Variants in NXPE2 observed in about 807,000 individuals in gnomAD.
NXPE2 encodes the protein neurexophilin and PC-esterase domain family member 2.
A neutral mutation model predicts 34.4 loss-of-function variants in NXPE2; 34 were observed. That is an observed-to-expected ratio of 0.99 (90% CI 0.75 to 1.31). The LOEUF (loss-of-function observed/expected upper bound fraction) is 1.31. Ranked by LOEUF, NXPE2 falls within the 40% of genes most tolerant of loss-of-function variation. NXPE2 has a pLI of 0.00. For missense variants in NXPE2, 649 were observed against 672.5 expected (o/e 0.97, Z 0.39); for synonymous variants, 235 against 231.3 (o/e 1.02, Z -0.15).
the NXPE2 span, among the ~76,000 whole-genome samples, chr11:114,523,451 C>T: frequency 7.6e-4 from 116 of 152,034 alleles, no homozygotes; most frequent in South Asian, 0.022. Flanking sequence ...CAGTTGGTGC[C>T]GCTGTATAAA....
chr11:114,625,572 G>A, the NXPE2 span, among the ~76,000 whole-genome samples: 4 of 152,170 alleles, frequency 2.6e-5, no homozygotes, highest in East Asian at 1.9e-4. Flanking sequence ...AATAAGTATT[G>A]CCTCGTGGGT....
chr11:114,639,470 C>A, the NXPE2 span, among the ~76,000 whole-genome samples: 2 of 151,414 alleles, frequency 1.3e-5, no homozygotes, highest in African/African-American at 4.9e-5. Flanking sequence ...CTGCGCTGCC[C>A]CCACTGTCCT....
chr11:114,523,203 T>C, the NXPE2 span: 1 of 724,268 alleles, frequency 1.4e-6, no homozygotes, highest in East Asian at 2.6e-5. Context: ...AATGCCTATT[T>C]CCTTTTTCTG....
At chr11:114,643,993 G>T in the NXPE2 span, among the ~76,000 whole-genome samples, 1 of 152,034 alleles carries the variant, frequency 6.6e-6, no homozygotes. Context: ...CTTTTAAGTT[G>T]TATTGCTAGG....
chr11:114,530,554 C>G, the NXPE2 span: 1 of 1,614,008 alleles, frequency 6.2e-7, no homozygotes, highest in Non-Finnish European at 8.5e-7. Context: ...TTTCCTGAAG[C>G]ACCTGCCGTC....
chr11:114,659,354 G>A, the NXPE2 span, among the ~76,000 whole-genome samples: 1 of 152,058 alleles, frequency 6.6e-6, no homozygotes, highest in Non-Finnish European at 1.5e-5. Flanking sequence ...CGTTTTGATG[G>A]CCTTATCAGA....
chr11:114,665,458 G>A, the NXPE2 span, among the ~76,000 whole-genome samples: 1 of 152,126 alleles, frequency 6.6e-6, no homozygotes, highest in African/African-American at 2.4e-5. Flanking sequence ...CCATCCATAT[G>A]CCAGTCCTTA....
chr11:114,568,843 T>A, the NXPE2 span, among the ~76,000 whole-genome samples: 4 of 152,232 alleles, frequency 2.6e-5, no homozygotes, highest in Non-Finnish European at 4.4e-5. Flanking sequence ...AACTGTGGAA[T>A]AATTTTATGT....
upstream of NXPE2, among the ~76,000 whole-genome samples, chr11:114,675,012 ACATGTAATC>A (rs565473647): frequency 3.0e-3 from 459 of 151,988 alleles, 3 homozygotes; most frequent in African/African-American, 8.4e-3. Flanking sequence ...ACAAATCTAT[ACATGTAATC>A]CATCATATTA....
At chr11:114,803,794 G>C in the NXPE2 span, among the ~76,000 whole-genome samples, 1 of 151,928 alleles carries the variant, frequency 6.6e-6, no homozygotes, top group East Asian at 1.9e-4. Flanking sequence ...TGGCCAGGAT[G>C]GTCTCAAACT....
the NXPE2 span, among the ~76,000 whole-genome samples, chr11:114,564,753 A>T: frequency 2.0e-5 from 3 of 152,304 alleles, no homozygotes; most frequent in East Asian, 5.8e-4. Context: ...AATGGATTGA[A>T]TGCAAGAATA....
At chr11:114,477,995 A>G in the NXPE2 span, among the ~76,000 whole-genome samples, 1 of 152,094 alleles carries the variant, frequency 6.6e-6, no homozygotes, top group Admixed American at 6.6e-5. Context: ...TGTTGCATGG[A>G]AACTTTTAAC....
chr11:114,805,669 G>C, the NXPE2 span, among the ~76,000 whole-genome samples: 1,003 of 152,318 alleles, frequency 6.6e-3, 8 homozygotes, highest in African/African-American at 0.023. Context: ...CGAGTTAGTT[G>C]CTTGATTAGG....
At chr11:114,747,015 C>A in the NXPE2 span, among the ~76,000 whole-genome samples, 1 of 152,080 alleles carries the variant, frequency 6.6e-6, no homozygotes, top group Admixed American at 6.5e-5. Flanking sequence ...TCCCCTATCT[C>A]TTTGGCTAAT....
the NXPE2 span, chr11:114,522,901 GT>G: frequency 6.2e-7 from 1 of 1,612,720 alleles, no homozygotes; most frequent in Non-Finnish European, 8.5e-7. Flanking sequence ...TGGGGAAGTA[GT>G]AGATCCACTG....
the NXPE2 span, among the ~76,000 whole-genome samples, chr11:114,665,891 A>T: frequency 5.3e-5 from 8 of 152,262 alleles, no homozygotes; most frequent in South Asian, 1.7e-3. Flanking sequence ...CTTTGCTTGC[A>T]CTAAAATAGT....
chr11:114,693,776 G>A (rs1951197799), intron 2 of NXPE2, among the ~76,000 whole-genome samples: 1 of 152,068 alleles, frequency 6.6e-6, no homozygotes, highest in Non-Finnish European at 1.5e-5. Flanking sequence ...TAGAAATCAG[G>A]CAAAACCCTG....
the NXPE2 span, among the ~76,000 whole-genome samples, chr11:114,628,958 C>T: frequency 9.9e-5 from 15 of 151,498 alleles, no homozygotes; most frequent in East Asian, 9.8e-4. Context: ...TACACCCTCC[C>T]AAGACTAAAC....
intron 1 of NXPE2, 22 bp from the exon 2 acceptor site, chr11:114,679,635 T>A (rs1444806654): frequency 2.1e-6 from 3 of 1,428,684 alleles, no homozygotes; most frequent in Non-Finnish European, 9.6e-7. Context: ...AATGTGATTA[T>A]TTCTCCTGTC....
Sources: gnomAD v4.1 joint callset for allele counts (sites outside exome capture counted in the v4.1 genomes callset) on GRCh38, gnomAD v4.1.1 for gene constraint, MANE v1.5 for transcripts, NCBI Gene and HGNC (gene_info 2026-07-23, HGNC 2026-07-21) for gene names.